SERPINB7: variants seen among roughly 807,000 people sequenced by gnomAD.
The protein encoded by SERPINB7 is serpin family B member 7.
Under a neutral mutation model 37.4 loss-of-function variants are expected in SERPINB7, and 31 were observed. The ratio of observed to expected loss-of-function variants is 0.83; its 90% confidence interval spans 0.62 to 1.12. SERPINB7 has a LOEUF of 1.12. Among genes scored for constraint, SERPINB7 ranks in the 50% most tolerant of loss-of-function variants. The probability of loss-of-function intolerance (pLI) is 0.00; values close to 1 mark genes in which losing one functional copy is unlikely to be tolerated. For missense variants in SERPINB7, 521 were observed against 455.3 expected (o/e 1.14, Z -1.31); for synonymous variants, 163 against 166.1 (o/e 0.98, Z 0.14).
chr18:63,799,850 T>A (rs903645890), intron 6 of SERPINB7, among the ~76,000 whole-genome samples: 1 of 152,188 alleles, frequency 6.6e-6, no homozygotes, highest in Non-Finnish European at 1.5e-5. Context: ...TGTTTTTTCC[T>A]AAAAGGGGAT....
At chr18:63,783,074 T>C (rs952434198) in intron 2 of SERPINB7, among the ~76,000 whole-genome samples, 16 of 150,076 alleles carry the variant, frequency 1.1e-4, no homozygotes, top group South Asian at 1.1e-3. Context: ...GGAGGTGGAG[T>C]TTGCAGTGAG....
intron 1 of SERPINB7, chr18:63,778,184 A>G (rs1568205310): frequency 1.3e-5 from 2 of 152,090 alleles, no homozygotes; most frequent in South Asian, 4.1e-4. Context: ...GTTCTTATTT[A>G]AGGCATTATA....
chr18:63,790,536 A>C (rs572755512), intron 2 of SERPINB7, among the ~76,000 whole-genome samples: 206 of 152,376 alleles, frequency 1.4e-3, no homozygotes, highest in Non-Finnish European at 2.1e-3. Context: ...TGATTTCCTT[A>C]ACTCAATTTG....
intron 1 of SERPINB7, among the ~76,000 whole-genome samples, 157 bp from the exon 2 acceptor site, chr18:63,782,198 C>T (rs1037218225): frequency 2.0e-5 from 3 of 151,876 alleles, no homozygotes; most frequent in Non-Finnish European, 4.4e-5. Context: ...GATACTGGGC[C>T]AAGGGAACTT....
intron 1 of SERPINB7, among the ~76,000 whole-genome samples, chr18:63,765,742 T>C (rs1427636244): frequency 6.6e-6 from 1 of 152,186 alleles, no homozygotes; most frequent in Non-Finnish European, 1.5e-5. Flanking sequence ...AATGCCTCGA[T>C]TGACATTACA....
intron 1 of SERPINB7, among the ~76,000 whole-genome samples, chr18:63,768,499 A>G (rs957534776): frequency 8.5e-5 from 13 of 152,068 alleles, no homozygotes; most frequent in Admixed American, 3.3e-4. Flanking sequence ...TAGTCTTACA[A>G]ACTCCACTCA....
At position 63,800,926 on chromosome 18, in the gene SERPINB7, G is replaced by A. The variant is rs1397060480; in HGVS notation, c.658G>A (p.Glu220Lys). Residue 220 changes from glutamate (E) to lysine (K), a missense_variant, in exon 7 of 8, where the codon GAG (glutamate) becomes AAG (lysine). Transcript: ENST00000398019. ...ACGGAAGTTCAATTTGTCTGTTATTGAGGACCCATCAATGAAGATTCTTGA... is the reference window on the plus strand; with the variant it reads ...ACGGAAGTTCAATTTGTCTGTTATTAAGGACCCATCAATGAAGATTCTTGA... Reference protein sequence around the residue: ...QERKFNLSVIEDPSMKILELR... With the variant: ...QERKFNLSVIKDPSMKILELR... The A allele has an allele frequency of 1.2e-6, 2 of 1,614,034 alleles. No individual in the cohort carries two copies. The highest frequency in any genetic ancestry group is 4.5e-5 in the East Asian group (2 of 44,874).
At chr18:63,771,391 A>G (rs1473819164), upstream of SERPINB7, among the ~76,000 whole-genome samples, 1 of 152,038 alleles carries the variant, frequency 6.6e-6, no homozygotes, top group African/African-American at 2.4e-5. Flanking sequence ...TTTTATTCTC[A>G]GGTTTTACTT....
At chr18:63,798,775 G>A (rs1230451006) in intron 6 of SERPINB7, 29 bp downstream of exon 6, 1 of 1,606,628 alleles carries the variant, frequency 6.2e-7, no homozygotes, top group African/African-American at 1.3e-5. Flanking sequence ...ATTTAATTTA[G>A]AACTTTTCCA....
chr18:63,796,811 T>A (rs2049493589), intron 5 of SERPINB7, among the ~76,000 whole-genome samples: 1 of 152,212 alleles, frequency 6.6e-6, no homozygotes, highest in South Asian at 2.1e-4. Flanking sequence ...TTTCATTTAA[T>A]AATCAACCTA....
intron 2 of SERPINB7, among the ~76,000 whole-genome samples, chr18:63,783,469 G>A (rs1234221310): frequency 6.6e-6 from 1 of 152,114 alleles, no homozygotes; most frequent in Non-Finnish European, 1.5e-5. Flanking sequence ...TGACATCCCA[G>A]TTTAAGCACT....
At chr18:63,784,046 A>T (rs1164898138) in intron 2 of SERPINB7, among the ~76,000 whole-genome samples, 2 of 152,170 alleles carry the variant, frequency 1.3e-5, no homozygotes, top group Non-Finnish European at 2.9e-5. Context: ...TGATAGTAAC[A>T]ACTATCTGCT....
rs79169740 is a variant in SERPINB7, at chr18:63,797,787, C to T, written c.455-817C>T. ...TTCCCATCATCTTCAAAATAATCCA[C>T]AATTCTTACCAGACATTCAAGCCTC... On this transcript the variant is annotated intron_variant, in intron 5 of 7. Coordinates refer to ENST00000398019, the MANE Select transcript of SERPINB7 (RefSeq NM_003784.4). Among the ~76,000 whole-genome samples, 537 of 152,316 alleles carry T rather than the reference C, an allele frequency of 3.5e-3. 5 individuals carry two copies. The Middle Eastern group carries it at 0.037, about 11-fold the overall frequency.
intron 1 of SERPINB7, among the ~76,000 whole-genome samples, chr18:63,768,113 T>C (rs1031951517): frequency 1.2e-4 from 19 of 152,120 alleles, no homozygotes; most frequent in African/African-American, 4.6e-4. Flanking sequence ...TTTAGGAAAT[T>C]ATCTTTTGGA....
chr18:63,787,113 T>G (rs2049381287), intron 2 of SERPINB7, among the ~76,000 whole-genome samples: 1 of 152,222 alleles, frequency 6.6e-6, no homozygotes. Flanking sequence ...AATCTTTTTA[T>G]TAATGAAACA....
At position 63,791,861 on chromosome 18, in the gene SERPINB7, T is replaced by C. The variant is rs550938411; in HGVS notation, c.169-532T>C. Among the ~76,000 whole-genome samples the C allele has an allele frequency of 4.8e-3, 731 of 152,232 alleles. 34 individuals carry two copies. In the East Asian group the frequency reaches 0.11, roughly 23 times the overall value. ...TCCTGACCTCGTGATCTGCCCGCCT[T>C]GGCCTCCCAAAGTGCTGAGATTACA... On this transcript the variant is annotated intron_variant, in intron 2 of 7. Coordinates refer to ENST00000398019, the MANE Select transcript of SERPINB7 (RefSeq NM_003784.4).
Position 63,798,777 on chromosome 18 carries a change from A to G in SERPINB7, c.597+31A>G, listed in dbSNP as rs2049516684. ...TCGTCAATCTCCTATTTAATTTAGA[A>G]CTTTTCCACAATCGTATTCCTTTGC... On this transcript the variant is annotated intron_variant, in intron 6 of 7. Transcript: ENST00000398019. The G allele has an allele frequency of 1.2e-5, 20 of 1,605,034 alleles. No homozygotes were observed. In the East Asian group the frequency reaches 4.5e-4, roughly 36 times the overall value.
At chr18:63,763,857 G>A (rs1265294401) in intron 1 of SERPINB7, among the ~76,000 whole-genome samples, 1 of 152,124 alleles carries the variant, frequency 6.6e-6, no homozygotes, top group Non-Finnish European at 1.5e-5. Context: ...AATTTCTAAT[G>A]TCTTAAATCC....
chr18:63,756,106 C>T (rs910556428), intron 1 of SERPINB7, among the ~76,000 whole-genome samples: 128 of 151,938 alleles, frequency 8.4e-4, no homozygotes, highest in African/African-American at 2.9e-3. Flanking sequence ...CACACACACA[C>T]ACACACACAC....
Sources: allele counts gnomAD v4.1 joint callset (sites outside exome capture counted in the v4.1 genomes callset), GRCh38; gene constraint gnomAD v4.1.1; transcripts MANE v1.5; gene names NCBI Gene and HGNC (gene_info 2026-07-23, HGNC 2026-07-21).